The following ELP1 variants were observed in gnomAD, a reference collection of about 807,000 sequenced individuals.
ELP1 encodes the protein elongator complex protein 1.
In ELP1, 131 loss-of-function variants were observed where a neutral mutation model predicts 183.2. That is an observed-to-expected ratio of 0.72 (90% CI 0.62 to 0.83). The LOEUF is 0.83. ELP1 is among the 40% of genes least tolerant of loss of function. ELP1 has a pLI of 0.00. For missense variants in ELP1, 1,550 were observed against 1,594.9 expected, an observed-to-expected ratio of 0.97 and a Z score of 0.48; for synonymous variants, 555 against 569.0, an observed-to-expected ratio of 0.98 and a Z score of 0.35.
chr9:108,889,850 C>G (rs968404253), intron 28 of ELP1, among the ~76,000 whole-genome samples: 3 of 152,180 alleles, frequency 2.0e-5, no homozygotes, highest in Non-Finnish European at 4.4e-5. Flanking sequence ...ATTCCGGTCT[C>G]TCATTGCATG....
At chr9:108,886,453 A>T (rs1183811665) in intron 29 of ELP1, among the ~76,000 whole-genome samples, 13 of 152,208 alleles carry the variant, frequency 8.5e-5, no homozygotes, top group Admixed American at 8.5e-4. Context: ...ATCTGCCACA[A>T]GAGAAAAAGG....
At chr9:108,920,359 G>A (rs914155101) in intron 6 of ELP1, among the ~76,000 whole-genome samples, 6 of 147,008 alleles carry the variant, frequency 4.1e-5, no homozygotes, top group Admixed American at 2.1e-4. Context: ...TTGGCTCACC[G>A]CAACCTCTGC....
Position 108,911,068 on chromosome 9 carries a change from T to C in ELP1, c.1302A>G (p.Gln434=), listed in dbSNP as rs1587907306. 6.2e-7 allele frequency: 1 copy of C among 1,613,992 alleles called. No individual in the cohort carries two copies. Among genetic ancestry groups the C allele is most frequent in the African/African-American group, 1.3e-5 (1 of 74,898 alleles). ...CTAGAACAGCAAGGTCATTACTCTT[T>C]TGAGGGTGTGCTAAGAATGTGACTT... ...VNQVTFLAHP[Q]KSNDLAVLDA... Residue 434 remains glutamine (Q), a synonymous_variant, in exon 12 of 37, where the codon CAA becomes CAG. Coordinates refer to ENST00000374647, the MANE Select transcript of ELP1 (RefSeq NM_003640.5).
rs1478055676 is a variant in ELP1 at position 108,868,838 on chromosome 9, T to C, written c.*277A>G. 1.7e-6 allele frequency: 1 copy of C among 593,730 alleles called. No homozygotes were observed. Among genetic ancestry groups the C allele is most frequent in the Non-Finnish European group, 3.0e-6 (1 of 333,610 alleles). The allele number at this position is 593,730 out of a possible 1,614,324, so 36.8% of individuals were successfully genotyped here. ...ACATTAATCTCATGATTACCATAAT[T>C]ATGCTCTCAAACAGCCCAAGTGAAA... On this transcript the variant is annotated 3_prime_UTR_variant, in exon 37 of 37. Transcript: ENST00000374647.
At chr9:108,922,771 A>G (rs1260529077) in intron 6 of ELP1, 71 bp downstream of exon 6, 1 of 1,135,178 alleles carries the variant, frequency 8.8e-7, no homozygotes, top group Non-Finnish European at 1.3e-6. Context: ...GTGGACACCA[A>G]AGAGTTCCTG....
intron 34 of ELP1, 39 bp downstream of exon 34, chr9:108,878,584 G>A: frequency 6.2e-7 from 1 of 1,613,594 alleles, no homozygotes; most frequent in Non-Finnish European, 8.5e-7. Context: ...ATTCACTATT[G>A]TTTGTGGTCA....
At chr9:108,876,821 T>C (rs1404917637) in intron 35 of ELP1, among the ~76,000 whole-genome samples, 4 of 151,292 alleles carry the variant, frequency 2.6e-5, no homozygotes, top group Non-Finnish European at 5.9e-5. Context: ...AACCTCTGTC[T>C]CCCAGGTTCA....
intron 36 of ELP1, among the ~76,000 whole-genome samples, chr9:108,871,039 G>A (rs777947473): frequency 2.3e-5 from 3 of 132,450 alleles, no homozygotes; most frequent in African/African-American, 3.0e-5. Flanking sequence ...ATTGGCTGTC[G>A]TAAAGCCTGT....
intron 36 of ELP1, among the ~76,000 whole-genome samples, chr9:108,870,707 G>T (rs1180296736): frequency 6.6e-6 from 1 of 151,960 alleles, no homozygotes; most frequent in Non-Finnish European, 1.5e-5. Flanking sequence ...TCCTTCCACA[G>T]TTTCTTTTAG....
chr9:108,871,751 AC>A (rs1379496807), intron 36 of ELP1, among the ~76,000 whole-genome samples: 1 of 152,222 alleles, frequency 6.6e-6, no homozygotes, highest in East Asian at 1.9e-4. Flanking sequence ...TCATACAATG[AC>A]TGTGCTTTTT....
At chr9:108,899,980 C>T in intron 19 of ELP1, 85 bp from the exon 20 acceptor site, 2 of 1,046,472 alleles carry the variant, frequency 1.9e-6, no homozygotes, top group Non-Finnish European at 2.9e-6. Context: ...TAACTCTTCA[C>T]AGAGAATTAC....
chr9:108,878,663 CT>C lies in ELP1; in HGVS notation c.3659del (p.Glu1220GlyfsTer3). On this transcript the variant is annotated frameshift_variant, in exon 34 of 37. Transcript: ENST00000374647. LOFTEE classifies it high-confidence loss of function. ...GSPLEDLALL[E>X]ALSEVVQNTE... Reference sequence around the variant, plus strand: ...TGTTCTGCACCACTTCACTCAGTGCCTCCAGGAGGGCCAGGTCCTCCAGCGG... The same window carrying C: ...TGTTCTGCACCACTTCACTCAGTGCCCCAGGAGGGCCAGGTCCTCCAGCGG... 6.2e-7 allele frequency: 1 copy of C among 1,614,250 alleles called. No homozygotes were observed. The highest frequency in any genetic ancestry group is 1.3e-5 in the African/African-American group (1 of 75,078).
At chr9:108,879,850 C>T (rs1177474345) in intron 32 of ELP1, among the ~76,000 whole-genome samples, 2 of 152,166 alleles carry the variant, frequency 1.3e-5, no homozygotes, top group Non-Finnish European at 2.9e-5. Flanking sequence ...TGGCAGAGCT[C>T]TCCCCATTCA....
intron 34 of ELP1, among the ~76,000 whole-genome samples, 181 bp from the exon 35 acceptor site, chr9:108,878,330 T>C (rs532651086): frequency 6.6e-6 from 1 of 152,180 alleles, no homozygotes; most frequent in Admixed American, 6.5e-5. Flanking sequence ...AAAAAGAAAA[T>C]CAAGCACGCT....
chr9:108,931,972 A>G (rs1830015956), intron 1 of ELP1, among the ~76,000 whole-genome samples: 1 of 152,214 alleles, frequency 6.6e-6, no homozygotes, highest in Admixed American at 6.5e-5. Flanking sequence ...AAGTAGGGGA[A>G]AAAAATGTTA....
intron 14 of ELP1, among the ~76,000 whole-genome samples, chr9:108,904,111 G>A (rs1202970761): frequency 6.6e-6 from 1 of 152,172 alleles, no homozygotes; most frequent in African/African-American, 2.4e-5. Context: ...GTAGGAAAAT[G>A]AGCACACTCA....
intron 10 of ELP1, among the ~76,000 whole-genome samples, chr9:108,913,128 T>C (rs773644205): frequency 1.1e-4 from 17 of 152,186 alleles, no homozygotes; most frequent in Admixed American, 9.2e-4. Context: ...GAAAAAGCAT[T>C]CTTTTAGTGG....
chr9:108,920,423 A>T (rs1453403120), intron 6 of ELP1, among the ~76,000 whole-genome samples: 1 of 152,096 alleles, frequency 6.6e-6, no homozygotes, highest in African/African-American at 2.4e-5. Context: ...CTGAGATTAC[A>T]GGCATCTGCC....
chr9:108,884,766 C>A (rs140955018), intron 29 of ELP1, among the ~76,000 whole-genome samples: 2 of 152,246 alleles, frequency 1.3e-5, no homozygotes, highest in East Asian at 3.9e-4. Flanking sequence ...AGTAAGGAAT[C>A]ATCTCAAATC....
Sources: gnomAD v4.1 joint callset for allele counts (sites outside exome capture counted in the v4.1 genomes callset) on GRCh38, gnomAD v4.1.1 for gene constraint, MANE v1.5 for transcripts, NCBI Gene and HGNC (gene_info 2026-07-23, HGNC 2026-07-21) for gene names.